Variants in SPAG9 observed in about 807,000 individuals in gnomAD.
SPAG9 encodes the protein C-Jun-amino-terminal kinase-interacting protein 4.
SPAG9 carries 35 observed loss-of-function variants against 166.5 expected under a neutral mutation model. The ratio of observed to expected loss-of-function variants is 0.21; its 90% CI spans 0.16 to 0.28. The LOEUF (loss-of-function observed/expected upper bound fraction) is 0.28, where lower values mean the gene tolerates loss of function less well. Ranked by LOEUF, SPAG9 falls within the 10% of genes least tolerant of loss-of-function variation. The pLI, the probability that SPAG9 is intolerant of heterozygous loss-of-function variation, is 1.00. For missense variants in SPAG9, 1,235 were observed against 1,603.3 expected, an observed-to-expected ratio of 0.77 and a Z score of 3.92; for synonymous variants, 534 against 565.5, an observed-to-expected ratio of 0.94 and a Z score of 0.79.
At chr17:51,029,700 T>C (rs1282797776) in intron 6 of SPAG9, among the ~76,000 whole-genome samples, 8 of 152,216 alleles carry the variant, frequency 5.3e-5, no homozygotes, top group African/African-American at 1.7e-4. Flanking sequence ...TTATGTGCGG[T>C]ATTTAATATG....
rs758560761 is a variant in SPAG9, at chr17:50,990,652, G to C, written c.2415C>G (p.Asp805Glu). 3 of 1,614,074 alleles carry C rather than the reference G, an allele frequency of 1.9e-6. No individual in the cohort carries two copies. The highest frequency in any genetic ancestry group is 2.5e-6 in the Non-Finnish European group (3 of 1,179,918). ...IASVPGARET[D>E]YPAGEDLSES... ...CTGAAAGATCTTCTCCTGCAGGGTA[G>C]TCTGTTTCTCGTGCACCTGAAAAAT... The change falls in exon 20 of 30, where the codon GAC (aspartate) becomes GAG (glutamate). Residue 805 changes from aspartate (D) to glutamate (E), a missense_variant. Asp to Glu is a conservative substitution (Grantham distance 45). This residue lies in a region of SPAG9 where 493 missense variants were observed against 559.4 expected (regional missense o/e 0.88). Transcript: ENST00000262013.
intron 1 of SPAG9, among the ~76,000 whole-genome samples, chr17:51,084,727 G>T (rs983447783): frequency 9.9e-5 from 15 of 152,068 alleles, no homozygotes; most frequent in Non-Finnish European, 2.9e-5. Context: ...CTTATATTAG[G>T]CACCTCTTGT....
intron 4 of SPAG9, among the ~76,000 whole-genome samples, chr17:51,044,662 C>A (rs1196551347): frequency 6.6e-6 from 1 of 152,080 alleles, no homozygotes; most frequent in African/African-American, 2.4e-5. Context: ...CGCATTTAAT[C>A]CTTATCAAGA....
intron 10 of SPAG9, 69 bp downstream of exon 10, chr17:51,007,200 G>T (rs2045263885): frequency 6.9e-6 from 6 of 868,758 alleles, no homozygotes; most frequent in African/African-American, 1.7e-5. Flanking sequence ...ATGTTAAAAC[G>T]ATGAAGTGTC....
chr17:51,098,308 AAGAC>A (rs1374933785), intron 1 of SPAG9, among the ~76,000 whole-genome samples: 1 of 149,242 alleles, frequency 6.7e-6, no homozygotes, highest in Non-Finnish European at 1.5e-5. Context: ...GTGAGAGCAG[AAGAC>A]AGACAGTTCG....
chr17:51,116,534 A>G (rs1204077298), intron 1 of SPAG9, among the ~76,000 whole-genome samples: 1 of 152,136 alleles, frequency 6.6e-6, no homozygotes, highest in Non-Finnish European at 1.5e-5. Flanking sequence ...AGGATCCACA[A>G]GGCAGGAGGA....
At chr17:51,098,040 T>C (rs544417948) in intron 1 of SPAG9, among the ~76,000 whole-genome samples, 2 of 152,084 alleles carry the variant, frequency 1.3e-5, no homozygotes, top group African/African-American at 4.8e-5. Context: ...CTCAGGCTGG[T>C]TTCAAACTCC....
intron 2 of SPAG9, among the ~76,000 whole-genome samples, chr17:51,077,080 A>AGC (rs1446507108): frequency 3.5e-4 from 40 of 113,534 alleles, no homozygotes; most frequent in Middle Eastern, 4.2e-3. Flanking sequence ...CTATCTAGCT[A>AGC]TCTAGCTAGC....
At chr17:51,073,610 T>C (rs560013972) in intron 2 of SPAG9, among the ~76,000 whole-genome samples, 85 of 151,622 alleles carry the variant, frequency 5.6e-4, no homozygotes, top group South Asian at 1.5e-3. Flanking sequence ...GTCAAATAAT[T>C]TCCCCCCAGA....
intron 4 of SPAG9, among the ~76,000 whole-genome samples, chr17:51,043,945 A>G (rs1326186300): frequency 6.6e-6 from 1 of 152,198 alleles, no homozygotes; most frequent in East Asian, 1.9e-4. Flanking sequence ...TACAATCAAC[A>G]GTCAACAAAA....
Position 50,970,726 on chromosome 17 carries a change from G to T in SPAG9, c.3831C>A (p.Gly1277=). The T allele has an allele frequency of 6.2e-7, 1 of 1,613,916 alleles. No individual in the cohort carries two copies. Among genetic ancestry groups the T allele is most frequent in the Non-Finnish European group, 8.5e-7 (1 of 1,179,880 alleles). Residue 1277 remains glycine (G), a synonymous_variant, in exon 29 of 30, where the codon GGC becomes GGA. Transcript: ENST00000262013. ...KSMLVISGGE[G]YIDFRMGDEG... ...ACATACCCATTCGGAAGTCGATGTA[G>T]CCCTCTCCTCCACTGATGACAAGCA...
chr17:50,977,475 A>G (rs887235398), intron 26 of SPAG9, among the ~76,000 whole-genome samples: 3 of 152,232 alleles, frequency 2.0e-5, no homozygotes, highest in African/African-American at 7.2e-5. Context: ...GAAAAGCCTA[A>G]AAGTGGGTAA....
intron 5 of SPAG9, chr17:51,031,979 A>C: frequency 1.7e-6 from 1 of 598,338 alleles, no homozygotes. Context: ...TCATTGTTTA[A>C]CCTTTTTTTT....
chr17:51,114,594 C>T (rs1256686634), intron 1 of SPAG9, among the ~76,000 whole-genome samples: 1 of 152,196 alleles, frequency 6.6e-6, no homozygotes, highest in African/African-American at 2.4e-5. Context: ...CGTGCCTCTG[C>T]ACCCCAGCCT....
chr17:50,990,796 C>A, intron 19 of SPAG9, 128 bp from the exon 20 acceptor site: 1 of 658,006 alleles, frequency 1.5e-6, no homozygotes, highest in Non-Finnish European at 2.6e-6. Flanking sequence ...ATACAGGTAG[C>A]ATTAAATTTA....
At chr17:50,969,943 C>T (rs539781323) in intron 29 of SPAG9, among the ~76,000 whole-genome samples, 5 of 152,172 alleles carry the variant, frequency 3.3e-5, no homozygotes, top group East Asian at 1.9e-4. Context: ...ATCTATTAGA[C>T]GAAGGCTTTG....
At chr17:50,999,904 T>C (rs952901747) in intron 13 of SPAG9, among the ~76,000 whole-genome samples, 187 bp from the exon 14 acceptor site, 1 of 152,166 alleles carries the variant, frequency 6.6e-6, no homozygotes, top group Non-Finnish European at 1.5e-5. Flanking sequence ...ACTTTAATTC[T>C]ACTAAGAAAA....
At chr17:51,114,007 A>G (rs137922252) in intron 1 of SPAG9, among the ~76,000 whole-genome samples, 2 of 151,512 alleles carry the variant, frequency 1.3e-5, no homozygotes, top group African/African-American at 4.8e-5. Flanking sequence ...TCAATCAATC[A>G]AAAGATCTAT....
At chr17:50,979,611 C>T in intron 26 of SPAG9, 135 bp downstream of exon 26, 2 of 774,580 alleles carry the variant, frequency 2.6e-6, no homozygotes, top group Non-Finnish European at 4.2e-6. Context: ...CTATAGTGTG[C>T]TATGACTGCA....
Sources: allele counts gnomAD v4.1 joint callset (sites outside exome capture counted in the v4.1 genomes callset), GRCh38; gene constraint gnomAD v4.1.1; regional missense constraint gnomAD v4.1.1; transcripts MANE v1.5; gene names NCBI Gene and HGNC (gene_info 2026-07-23, HGNC 2026-07-21).